The following CRKL variants were observed in gnomAD, a reference collection of about 807,000 sequenced individuals.
CRKL encodes the protein crk-like protein.
CRKL carries 3 observed loss-of-function variants against 23.0 expected under a neutral mutation model. That is an observed-to-expected ratio of 0.13 (90% CI 0.06 to 0.34). The LOEUF is 0.34. Among genes scored for constraint, CRKL ranks in the 10% least tolerant of loss-of-function variants. The probability of loss-of-function intolerance (pLI) is 1.00; values close to 1 mark genes in which losing one functional copy is unlikely to be tolerated. For missense variants in CRKL, 256 were observed against 394.5 expected (o/e 0.65, Z 2.97); for synonymous variants, 188 against 160.7 (o/e 1.17, Z -1.28).
intron 2 of CRKL, among the ~76,000 whole-genome samples, chr22:20,935,049 C>T (rs894466666): frequency 6.6e-5 from 10 of 151,840 alleles, no homozygotes; most frequent in East Asian, 1.9e-4. Flanking sequence ...CTCCTGACCT[C>T]GTGATCTGCC....
chr22:20,925,586 A>G (rs768564197), intron 1 of CRKL, among the ~76,000 whole-genome samples: 4 of 152,236 alleles, frequency 2.6e-5, no homozygotes, highest in East Asian at 1.9e-4. Context: ...GGCACAGCCT[A>G]TTAGTTGGGA....
At chr22:20,918,356 A>G in intron 1 of CRKL, 111 bp downstream of exon 1, 1 of 1,246,386 alleles carries the variant, frequency 8.0e-7, no homozygotes, top group Non-Finnish European at 1.1e-6. Flanking sequence ...CGCATTCTGA[A>G]CCAAATTATT....
intron 2 of CRKL, among the ~76,000 whole-genome samples, chr22:20,946,107 A>G (rs1219418088): frequency 6.6e-6 from 1 of 152,208 alleles, no homozygotes; most frequent in Admixed American, 6.5e-5. Context: ...CAGTGTCACC[A>G]GTGTACTCCT....
chr22:20,927,817 T>C (rs1473558468), intron 1 of CRKL, among the ~76,000 whole-genome samples: 1 of 118,034 alleles, frequency 8.5e-6, no homozygotes, highest in African/African-American at 3.5e-5. Flanking sequence ...CACTCCAGTC[T>C]GGGTAACAGA....
chr22:20,931,913 A>G (rs539097084), intron 1 of CRKL, among the ~76,000 whole-genome samples: 5 of 151,988 alleles, frequency 3.3e-5, no homozygotes, highest in Non-Finnish European at 7.4e-5. Context: ...CCGGGCTCAC[A>G]CCGTTCTCCT....
intron 2 of CRKL, among the ~76,000 whole-genome samples, chr22:20,941,755 G>A (rs1429658127): frequency 6.6e-6 from 1 of 150,806 alleles, no homozygotes; most frequent in Non-Finnish European, 1.5e-5. Flanking sequence ...CACCAGGCCG[G>A]GCTAGTTTTT....
intron 2 of CRKL, among the ~76,000 whole-genome samples, chr22:20,945,725 T>A (rs980088536): frequency 2.0e-5 from 3 of 152,282 alleles, no homozygotes; most frequent in African/African-American, 7.2e-5. Flanking sequence ...CTACTCTGAT[T>A]CAGGTGCAGG....
Position 20,918,032 on chromosome 22 carries a change from A to G in CRKL, c.98A>G (p.His33Arg). The G allele has an allele frequency of 6.2e-7, 1 of 1,614,164 alleles. No individual in the cohort carries two copies. Among genetic ancestry groups the G allele is most frequent in the Non-Finnish European group, 8.5e-7 (1 of 1,180,016 alleles). The stretch of plus-strand genomic sequence containing the variant: ...CAGACCCGGCTCCAGGGCCAGCGCC[A>G]CGGTATGTTCCTCGTCCGCGATTCT... ...EAQTRLQGQRHGMFLVRDSST... is the reference protein window; with the variant it reads ...EAQTRLQGQRRGMFLVRDSST... The change falls in exon 1 of 3, where the codon CAC becomes CGC. Residue 33 changes from histidine to arginine, a missense_variant. His to Arg is a conservative substitution (Grantham distance 29). Around this residue, in one of 3 missense-constraint regions of CRKL, gnomAD observed 85 missense variants for 139.8 expected, o/e 0.61. Coordinates refer to ENST00000354336, the MANE Select transcript of CRKL (RefSeq NM_005207.4).
intron 1 of CRKL, among the ~76,000 whole-genome samples, chr22:20,928,092 G>A (rs2045284637): frequency 1.3e-5 from 2 of 152,048 alleles, no homozygotes; most frequent in Admixed American, 1.3e-4. Context: ...AGGAGGCAGA[G>A]GTTTTGGTGA....
At chr22:20,927,111 C>CAA (rs371278201) in intron 1 of CRKL, among the ~76,000 whole-genome samples, 558 of 48,462 alleles carry the variant, frequency 0.012, 46 homozygotes, top group African/African-American at 0.056. Context: ...GACTCCGTCT[C>CAA]AAAAAAAAAA....
At chr22:20,922,283 A>C (rs1449088289) in intron 1 of CRKL, among the ~76,000 whole-genome samples, 1 of 151,624 alleles carries the variant, frequency 6.6e-6, no homozygotes, top group Non-Finnish European at 1.5e-5. Flanking sequence ...AGCCTCCCAA[A>C]GTGCTGGGAT....
chr22:20,936,487 T>TA (rs1284995696), intron 2 of CRKL, among the ~76,000 whole-genome samples: 1 of 152,104 alleles, frequency 6.6e-6, no homozygotes, highest in Non-Finnish European at 1.5e-5. Context: ...TAGCTGGGAT[T>TA]ACAGGCATGT....
At chr22:20,922,212 A>G (rs1921020189) in intron 1 of CRKL, among the ~76,000 whole-genome samples, 1 of 150,946 alleles carries the variant, frequency 6.6e-6, no homozygotes, top group African/African-American at 2.4e-5. Flanking sequence ...TAGTAGAGAC[A>G]AGGTTTCACC....
intron 1 of CRKL, among the ~76,000 whole-genome samples, chr22:20,926,456 G>A (rs963151984): frequency 2.6e-5 from 4 of 152,158 alleles, no homozygotes; most frequent in Non-Finnish European, 5.9e-5. Flanking sequence ...GAGGTATGAT[G>A]ACTTCAGAGA....
intron 1 of CRKL, among the ~76,000 whole-genome samples, chr22:20,929,694 CTCA>C (rs1483436650): frequency 6.6e-6 from 1 of 152,160 alleles, no homozygotes; most frequent in Non-Finnish European, 1.5e-5. Flanking sequence ...AACTCCTGAC[CTCA>C]TGATCCACCT....
At chr22:20,921,733 G>A (rs1342972092) in intron 1 of CRKL, among the ~76,000 whole-genome samples, 1 of 148,254 alleles carries the variant, frequency 6.7e-6, no homozygotes, top group Non-Finnish European at 1.5e-5. Flanking sequence ...TTTTTTTCTT[G>A]AGACGGAGTC....
At chr22:20,944,139 C>CTTTTTTTTTTTTTTTTTTT (rs57177824) in intron 2 of CRKL, among the ~76,000 whole-genome samples, 2 of 105,856 alleles carry the variant, frequency 1.9e-5, no homozygotes, top group African/African-American at 3.7e-5. Flanking sequence ...GTAGTATTAG[C>CTTTTTTTTTTTTTTTTTTT]TTTTTTTTTT....
chr22:20,929,954 A>C lies in CRKL; in HGVS notation c.312-3825A>C, dbSNP rs529750628. Among the ~76,000 whole-genome samples, 20 of 152,268 alleles carry C rather than the reference A, an allele frequency of 1.3e-4. No individual in the cohort carries two copies. The South Asian group carries it at 3.7e-3, about 28-fold the overall frequency. ...TATCTCTTCAGTGGAACTAATGTGT[A>C]ATTTTCAGGGGAGTTTGATGAATAA... On this transcript the variant is annotated intron_variant, in intron 1 of 2. Transcript: ENST00000354336.
At chr22:20,934,710 A>C (rs1254427591) in intron 2 of CRKL, among the ~76,000 whole-genome samples, 1 of 152,174 alleles carries the variant, frequency 6.6e-6, no homozygotes, top group African/African-American at 2.4e-5. Context: ...CCTAGAGGCA[A>C]AATCAACATA....
Sources: allele counts gnomAD v4.1 joint callset (sites outside exome capture counted in the v4.1 genomes callset), GRCh38; gene constraint gnomAD v4.1.1; regional missense constraint gnomAD v4.1.1; transcripts MANE v1.5; gene names NCBI Gene and HGNC (gene_info 2026-07-23, HGNC 2026-07-21).